The following PRKAR2A variants were observed in gnomAD, a reference collection of about 807,000 sequenced individuals.
PRKAR2A encodes protein kinase cAMP-dependent type II regulatory subunit alpha.
Under a neutral mutation model 51.9 loss-of-function variants are expected in PRKAR2A, and 29 were observed. The ratio of observed to expected loss-of-function variants is 0.56; its 90% CI spans 0.42 to 0.76. The LOEUF (loss-of-function observed/expected upper bound fraction) is 0.76, where lower values mean the gene tolerates loss of function less well. PRKAR2A is among the 30% of genes least tolerant of loss of function. The pLI, the probability that PRKAR2A is intolerant of heterozygous loss-of-function variation, is 0.00. For synonymous variants in PRKAR2A, 178 were observed against 186.2 expected, an observed-to-expected ratio of 0.96 and a Z score of 0.36; for missense variants, 445 against 512.1, an observed-to-expected ratio of 0.87 and a Z score of 1.26.
chr3:48,793,144 T>C (rs1450156184), intron 3 of PRKAR2A, among the ~76,000 whole-genome samples: 2 of 152,024 alleles, frequency 1.3e-5, no homozygotes, highest in Admixed American at 1.3e-4. Context: ...ATTTACGAAA[T>C]GCTCTATAAA....
intron 6 of PRKAR2A, among the ~76,000 whole-genome samples, chr3:48,770,931 G>T (rs1172019000): frequency 6.6e-6 from 1 of 152,172 alleles, no homozygotes; most frequent in Non-Finnish European, 1.5e-5. Context: ...GATTATCCAA[G>T]AATGGGTTAT....
At chr3:48,842,100 T>G (rs1281288529) in intron 1 of PRKAR2A, among the ~76,000 whole-genome samples, 4 of 152,184 alleles carry the variant, frequency 2.6e-5, no homozygotes, top group Non-Finnish European at 5.9e-5. Flanking sequence ...GAGCAGTGGT[T>G]TGTAGTTCTC....
At chr3:48,798,396 T>C (rs1302225558) in intron 2 of PRKAR2A, among the ~76,000 whole-genome samples, 4 of 152,236 alleles carry the variant, frequency 2.6e-5, no homozygotes, top group Non-Finnish European at 5.9e-5. Flanking sequence ...AATGCCATTA[T>C]CAGACTAATT....
intron 1 of PRKAR2A, among the ~76,000 whole-genome samples, chr3:48,808,444 G>A (rs1371358441): frequency 2.2e-4 from 33 of 152,302 alleles, no homozygotes; most frequent in African/African-American, 6.7e-4. Context: ...TAGTAGAGAC[G>A]GGGTTTCACC....
chr3:48,756,101 G>A (rs2081759700), intron 9 of PRKAR2A, among the ~76,000 whole-genome samples: 1 of 151,926 alleles, frequency 6.6e-6, no homozygotes, highest in Admixed American at 6.6e-5. Flanking sequence ...TTTCTATTAG[G>A]GTTTTTATCT....
intron 1 of PRKAR2A, among the ~76,000 whole-genome samples, chr3:48,839,160 C>G (rs944807986): frequency 6.6e-6 from 1 of 151,904 alleles, no homozygotes; most frequent in Non-Finnish European, 1.5e-5. Context: ...TGGTGACACG[C>G]GCCTGTAATC....
chr3:48,823,725 G>A (rs1432660430), intron 1 of PRKAR2A, among the ~76,000 whole-genome samples: 1 of 146,114 alleles, frequency 6.8e-6, no homozygotes, highest in Non-Finnish European at 1.5e-5. Context: ...GGTCGAGGCT[G>A]CTGCAAGCCA....
intron 1 of PRKAR2A, among the ~76,000 whole-genome samples, chr3:48,832,564 CAAG>C (rs1487271303): frequency 6.6e-6 from 1 of 152,022 alleles, no homozygotes; most frequent in Non-Finnish European, 1.5e-5. Flanking sequence ...ATACAATATA[CAAG>C]AACAGTCCTA....
intron 8 of PRKAR2A, 128 bp downstream of exon 8, chr3:48,764,876 C>T (rs2081915472): frequency 1.3e-6 from 1 of 740,844 alleles, no homozygotes; most frequent in Non-Finnish European, 2.2e-6. Context: ...CCACCTGCCT[C>T]AGCCTCCCGA....
chr3:48,757,909 A>G, intron 8 of PRKAR2A, among the ~76,000 whole-genome samples: 1 of 151,690 alleles, frequency 6.6e-6, no homozygotes, highest in Non-Finnish European at 1.5e-5. Context: ...TACAAAAATT[A>G]GCCAGGTGTG....
rs377673441 is a variant in PRKAR2A at position 48,751,613 on chromosome 3, C to A, written c.1187G>T (p.Ser396Ile). 6.2e-7 allele frequency: 1 copy of A among 1,613,282 alleles called. No homozygotes were observed. The highest frequency in any genetic ancestry group is 1.3e-5 in the African/African-American group (1 of 74,924). ...EEQLVKMFGS[S>I]VDLGNLGQ ...CTGCCCGAGGTTGCCCAGATCCACG[C>A]TGGAGCCAAACATCTTCACCAGCTG... The change falls in exon 11 of 11, where the codon AGC becomes ATC. Residue 396 changes from serine to isoleucine, a missense_variant. Coordinates refer to ENST00000265563, the MANE Select transcript of PRKAR2A (RefSeq NM_004157.4).
chr3:48,802,692 G>T (rs2082609278), intron 2 of PRKAR2A, among the ~76,000 whole-genome samples: 4 of 152,136 alleles, frequency 2.6e-5, no homozygotes, highest in Admixed American at 2.6e-4. Context: ...GACACAGCCA[G>T]ACTCAGTCTC....
chr3:48,818,888 TATC>T (rs1327996719), intron 1 of PRKAR2A, among the ~76,000 whole-genome samples: 2 of 152,194 alleles, frequency 1.3e-5, no homozygotes, highest in Non-Finnish European at 2.9e-5. Flanking sequence ...ATGTTAGGGA[TATC>T]ATAGTTTTGT....
At chr3:48,826,645 T>C (rs1045069279) in intron 1 of PRKAR2A, among the ~76,000 whole-genome samples, 2 of 152,164 alleles carry the variant, frequency 1.3e-5, no homozygotes, top group Non-Finnish European at 2.9e-5. Context: ...TCCTATCACA[T>C]GGTTGGTCTT....
intron 3 of PRKAR2A, among the ~76,000 whole-genome samples, chr3:48,791,944 A>G (rs1239747238): frequency 6.7e-6 from 1 of 150,122 alleles, no homozygotes; most frequent in Admixed American, 6.6e-5. Context: ...ATAGTGTTAA[A>G]TATTTTTAAT....
chr3:48,787,630 C>T (rs1313933150), intron 4 of PRKAR2A, among the ~76,000 whole-genome samples: 1 of 152,172 alleles, frequency 6.6e-6, no homozygotes, highest in African/African-American at 2.4e-5. Context: ...AGCCCCTTTT[C>T]CATTTACATG....
At chr3:48,805,726 G>T (rs1055458549) in intron 2 of PRKAR2A, among the ~76,000 whole-genome samples, 2 of 152,116 alleles carry the variant, frequency 1.3e-5, no homozygotes, top group African/African-American at 4.8e-5. Context: ...AAAATGTTAC[G>T]TATTATTAAA....
At chr3:48,828,551 T>C (rs1230186108) in intron 1 of PRKAR2A, among the ~76,000 whole-genome samples, 1 of 151,430 alleles carries the variant, frequency 6.6e-6, no homozygotes, top group Non-Finnish European at 1.5e-5. Flanking sequence ...AGACTCCGCC[T>C]CTACAAAAAA....
chr3:48,758,243 GT>G (rs2081804213), intron 8 of PRKAR2A, among the ~76,000 whole-genome samples: 1 of 147,414 alleles, frequency 6.8e-6, no homozygotes, highest in Admixed American at 6.9e-5. Context: ...GGGCAAAAGA[GT>G]CAGACTCCAT....
Sources: allele counts gnomAD v4.1 joint callset (sites outside exome capture counted in the v4.1 genomes callset), GRCh38; gene constraint gnomAD v4.1.1; transcripts MANE v1.5; gene names NCBI Gene and HGNC (gene_info 2026-07-23, HGNC 2026-07-21).